Variants in LRRC4C observed in about 807,000 individuals in gnomAD.
LRRC4C encodes leucine rich repeat containing 4C.
LRRC4C carries 5 observed loss-of-function variants against 33.6 expected under a neutral mutation model. The observed-to-expected ratio is 0.15, with a 90% CI of 0.08 to 0.31. The LOEUF (loss-of-function observed/expected upper bound fraction) is 0.31. Among genes scored for constraint, LRRC4C ranks in the 10% least tolerant of loss-of-function variants. The pLI is 1.00. For missense variants in LRRC4C, 560 were observed against 796.7 expected, an observed-to-expected ratio of 0.70 and a Z score of 3.58; for synonymous variants, 329 against 302.0, an observed-to-expected ratio of 1.09 and a Z score of -0.93.
At chr11:40,417,274 A>T (rs1352455181) in intron 3 of LRRC4C, among the ~76,000 whole-genome samples, 12 of 151,998 alleles carry the variant, frequency 7.9e-5, no homozygotes, top group Admixed American at 7.9e-4. Context: ...AATACCTAAA[A>T]CTTCTCTTTT....
At chr11:41,026,362 G>A (rs900894221) in intron 1 of LRRC4C, among the ~76,000 whole-genome samples, 1 of 151,546 alleles carries the variant, frequency 6.6e-6, no homozygotes, top group African/African-American at 2.4e-5. Flanking sequence ...AAAAGCAAGA[G>A]AATTAGAATC....
chr11:41,371,415 T>C (rs1952742075), intron 1 of LRRC4C, among the ~76,000 whole-genome samples: 1 of 152,220 alleles, frequency 6.6e-6, no homozygotes, highest in African/African-American at 2.4e-5. Context: ...TGGTTTTGAT[T>C]CCTTTGAAAT....
intron 2 of LRRC4C, among the ~76,000 whole-genome samples, chr11:40,656,046 G>T (rs1453124011): frequency 6.6e-6 from 1 of 151,972 alleles, no homozygotes; most frequent in East Asian, 1.9e-4. Flanking sequence ...CTTCTACCAG[G>T]TCCCTCCCCC....
At chr11:41,323,105 C>T (rs1006573768) in intron 1 of LRRC4C, among the ~76,000 whole-genome samples, 2 of 152,048 alleles carry the variant, frequency 1.3e-5, no homozygotes, top group East Asian at 1.9e-4. Flanking sequence ...AATACAAATA[C>T]CTCTTTAATG....
chr11:40,644,874 G>A (rs1445353778), intron 3 of LRRC4C, among the ~76,000 whole-genome samples: 1 of 151,894 alleles, frequency 6.6e-6, no homozygotes, highest in Admixed American at 6.6e-5. Flanking sequence ...TCTGGTTATA[G>A]TATTGTACTA....
chr11:40,790,507 T>C (rs568929840), intron 2 of LRRC4C, among the ~76,000 whole-genome samples: 104 of 152,304 alleles, frequency 6.8e-4, no homozygotes, highest in African/African-American at 2.4e-3. Flanking sequence ...CGCACCACGG[T>C]GGCATAAATT....
At chr11:40,680,340 A>G (rs1036673273) in intron 2 of LRRC4C, among the ~76,000 whole-genome samples, 2 of 152,138 alleles carry the variant, frequency 1.3e-5, no homozygotes, top group Non-Finnish European at 2.9e-5. Context: ...ATCCTGAAAT[A>G]AGTTGAGACT....
chr11:40,758,097 A>G (rs1208901675), intron 2 of LRRC4C, among the ~76,000 whole-genome samples: 1 of 152,046 alleles, frequency 6.6e-6, no homozygotes, highest in Non-Finnish European at 1.5e-5. Flanking sequence ...TGCAAGTCTA[A>G]GCTGAGAGAG....
chr11:40,414,780 T>C (rs937723334), intron 3 of LRRC4C, among the ~76,000 whole-genome samples: 16 of 152,072 alleles, frequency 1.1e-4, no homozygotes, highest in African/African-American at 3.6e-4. Context: ...TTCCTTAACA[T>C]GCACAGACAC....
At chr11:40,345,516 A>T (rs1265272059) in intron 3 of LRRC4C, among the ~76,000 whole-genome samples, 2 of 152,270 alleles carry the variant, frequency 1.3e-5, no homozygotes, top group East Asian at 3.9e-4. Flanking sequence ...TTGAAACTGG[A>T]CCCCTTCCTT....
At chr11:40,758,690 T>C (rs1949058660) in intron 2 of LRRC4C, among the ~76,000 whole-genome samples, 1 of 152,014 alleles carries the variant, frequency 6.6e-6, no homozygotes, top group South Asian at 2.1e-4. Flanking sequence ...ATACTAGAGA[T>C]GAGTGGGAAG....
rs182477709 is a variant in LRRC4C at position 41,245,367 on chromosome 11, G to T, written c.-496+214064C>A. ...GGCATGGAGCACGAAACAGCGAGGGGTGTGTAAGTGAGGGAGCCTGGGGTC... is the reference window on the plus strand; with the variant it reads ...GGCATGGAGCACGAAACAGCGAGGGTTGTGTAAGTGAGGGAGCCTGGGGTC... On this transcript the variant is annotated intron_variant, in intron 1 of 6. Transcript: ENST00000528697. Among the ~76,000 whole-genome samples the T allele has an allele frequency of 1.9e-3, 296 of 152,310 alleles. 1 individual carries two copies. The highest frequency in any genetic ancestry group is 6.8e-3 in the African/African-American group (281 of 41,574).
intron 1 of LRRC4C, among the ~76,000 whole-genome samples, chr11:41,184,415 T>C (rs1427298496): frequency 6.6e-6 from 1 of 152,026 alleles, no homozygotes. Flanking sequence ...CCCTAAATCA[T>C]CTCTCTCAAG....
intron 2 of LRRC4C, among the ~76,000 whole-genome samples, chr11:40,871,292 G>A (rs184888468): frequency 6.6e-6 from 1 of 152,028 alleles, no homozygotes; most frequent in Admixed American, 6.6e-5. Context: ...TGATCTCTGT[G>A]ACCCACACCG....
At position 40,361,415 on chromosome 11, in the gene LRRC4C, C is replaced by T. The variant is rs567558516; in HGVS notation, c.-269-41694G>A. ...AATTGCCAGCATTTCTATACACCAA[C>T]GACAGTCAAGCTGAGAGCCAAATCA... On this transcript the variant is annotated intron_variant, in intron 3 of 6. Coordinates refer to ENST00000528697, the MANE Select transcript of LRRC4C (RefSeq NM_001258419.2). Among the ~76,000 whole-genome samples, 7 of 152,270 alleles carry T rather than the reference C, an allele frequency of 4.6e-5. No individual in the cohort carries two copies. In the East Asian group the frequency reaches 5.8e-4, roughly 13 times the overall value.
intron 4 of LRRC4C, among the ~76,000 whole-genome samples, chr11:40,247,143 G>C (rs1276738256): frequency 6.6e-6 from 1 of 150,974 alleles, no homozygotes; most frequent in African/African-American, 2.4e-5. Context: ...TTTAAATATG[G>C]ACCTTTTTAA....
intron 2 of LRRC4C, among the ~76,000 whole-genome samples, chr11:40,750,816 AAAAAAG>A (rs1272030636): frequency 5.3e-5 from 8 of 150,620 alleles, no homozygotes; most frequent in African/African-American, 1.7e-4. Flanking sequence ...AAGAAAAAAA[AAAAAAG>A]AAAAGTAGAG....
rs559854200 is a variant in LRRC4C at position 40,392,103 on chromosome 11, G to A, written c.-269-72382C>T. Among the ~76,000 whole-genome samples, 18 of 152,286 alleles carry A rather than the reference G, an allele frequency of 1.2e-4. No individual in the cohort carries two copies. In the South Asian group the frequency reaches 3.5e-3, roughly 30 times the overall value. ...TGACATTCTGGGAAAGGCAGACACA[G>A]TAGCAAGATCAGTGGTTGCTAGGGG... On this transcript the variant is annotated intron_variant, in intron 3 of 6. Coordinates refer to ENST00000528697, the MANE Select transcript of LRRC4C (RefSeq NM_001258419.2).
intron 1 of LRRC4C, among the ~76,000 whole-genome samples, chr11:40,989,632 C>T (rs1853357284): frequency 6.6e-6 from 1 of 152,102 alleles, no homozygotes; most frequent in Non-Finnish European, 1.5e-5. Flanking sequence ...ATAAGGCTTA[C>T]TATTTTTACT....
Sources: gnomAD v4.1 joint callset for allele counts (sites outside exome capture counted in the v4.1 genomes callset) on GRCh38, gnomAD v4.1.1 for gene constraint, MANE v1.5 for transcripts, NCBI Gene and HGNC (gene_info 2026-07-23, HGNC 2026-07-21) for gene names.